Variants in TOGARAM1 observed in about 807,000 individuals in gnomAD.
TOGARAM1 encodes the protein TOG array regulator of axonemal microtubules protein 1.
In TOGARAM1, 100 loss-of-function variants were observed where a neutral mutation model predicts 166.6. That is an observed-to-expected ratio of 0.60 (90% CI 0.51 to 0.71). TOGARAM1 has a LOEUF of 0.71. TOGARAM1 is among the 30% of genes least tolerant of loss of function. The pLI, the probability that TOGARAM1 is intolerant of heterozygous loss-of-function variation, is 0.00. For missense variants in TOGARAM1, 2,029 were observed against 2,102.7 expected, an observed-to-expected ratio of 0.96 and a Z score of 0.69; for synonymous variants, 758 against 763.8, an observed-to-expected ratio of 0.99 and a Z score of 0.13.
chr14:45,005,333 A>C (rs1405332460), intron 4 of TOGARAM1, among the ~76,000 whole-genome samples: 1 of 152,196 alleles, frequency 6.6e-6, no homozygotes, highest in East Asian at 1.9e-4. Flanking sequence ...CTTAAAATAA[A>C]AAGTCGACTG....
chr14:45,021,921 C>T (rs888129356), intron 7 of TOGARAM1, among the ~76,000 whole-genome samples: 4 of 152,010 alleles, frequency 2.6e-5, no homozygotes, highest in African/African-American at 9.7e-5. Context: ...TAGGAAGGGC[C>T]GTCCATACAG....
intron 15 of TOGARAM1, 117 bp downstream of exon 15, chr14:45,052,679 A>G (rs1882433635): frequency 1.1e-6 from 1 of 913,236 alleles, no homozygotes; most frequent in Non-Finnish European, 1.6e-6. Flanking sequence ...CATTTGGACT[A>G]TTGGACTATA....
intron 2 of TOGARAM1, chr14:44,996,922 A>G (rs1227788636): frequency 6.6e-6 from 1 of 152,046 alleles, no homozygotes; most frequent in African/African-American, 2.4e-5. Context: ...TGATCCAGTC[A>G]CCTCCCACCA....
chr14:45,015,043 CCTCTAATCCCAGCA>C (rs1880035230), intron 7 of TOGARAM1, among the ~76,000 whole-genome samples: 1 of 152,136 alleles, frequency 6.6e-6, no homozygotes, highest in Non-Finnish European at 1.5e-5. Flanking sequence ...GTGGCTCACA[CCTCTAATCCCAGCA>C]CTTTGGGAGG....
intron 1 of TOGARAM1, among the ~76,000 whole-genome samples, chr14:44,990,810 C>T (rs1246850690): frequency 6.6e-6 from 1 of 152,000 alleles, no homozygotes; most frequent in Non-Finnish European, 1.5e-5. Flanking sequence ...AAAAAAAACA[C>T]TTTGGGTTTT....
At chr14:45,038,419 G>A (rs1881549584) in intron 11 of TOGARAM1, among the ~76,000 whole-genome samples, 1 of 152,212 alleles carries the variant, frequency 6.6e-6, no homozygotes, top group African/African-American at 2.4e-5. Flanking sequence ...AGCGGCGAGG[G>A]GTGCATGAGC....
At chr14:45,019,966 GC>G (rs1290106760) in intron 7 of TOGARAM1, among the ~76,000 whole-genome samples, 1 of 152,190 alleles carries the variant, frequency 6.6e-6, no homozygotes, top group Non-Finnish European at 1.5e-5. Flanking sequence ...CAGAGCATGG[GC>G]TAGCAGGCTG....
intron 11 of TOGARAM1, among the ~76,000 whole-genome samples, chr14:45,037,561 A>G (rs1273822682): frequency 3.3e-5 from 5 of 152,232 alleles, no homozygotes; most frequent in Admixed American, 2.6e-4. Flanking sequence ...ATAGTTATAA[A>G]GGAATTAATT....
Position 45,044,855 on chromosome 14 carries a change from T to C in TOGARAM1, c.4139T>C (p.Ile1380Thr), listed in dbSNP as rs1236457429. ...CCTGCACGTGCAGTTGTTTCTCTTATCAATGGTGGACAAAGGTAATGTTCA... is the reference window on the plus strand; with the variant it reads ...CCTGCACGTGCAGTTGTTTCTCTTACCAATGGTGGACAAAGGTAATGTTCA... ...VTPARAVVSL[I>T]NGGQSHLHIA... The change falls in exon 13 of 20, where the codon ATC (isoleucine) becomes ACC (threonine). Residue 1380 changes from isoleucine (I) to threonine (T), a missense_variant. This residue lies in a region of TOGARAM1 where 576 missense variants were observed against 670.5 expected (regional missense o/e 0.86). Transcript: ENST00000361462. The C allele has an allele frequency of 1.2e-6, 2 of 1,611,218 alleles. No homozygotes were observed. The highest frequency in any genetic ancestry group is 1.7e-6 in the Non-Finnish European group (2 of 1,178,578).
intron 1 of TOGARAM1, among the ~76,000 whole-genome samples, chr14:44,973,684 G>A (rs1038656028): frequency 3.3e-5 from 5 of 150,938 alleles, no homozygotes; most frequent in Admixed American, 6.6e-5. Flanking sequence ...TTCTTACAAG[G>A]CAGGTCTTAC....
At chr14:45,024,170 G>A (rs1880689878) in intron 7 of TOGARAM1, among the ~76,000 whole-genome samples, 6 of 152,180 alleles carry the variant, frequency 3.9e-5, no homozygotes, top group Middle Eastern at 6.8e-3. Context: ...TAGTTTGTAT[G>A]TGAAGGACCT....
intron 1 of TOGARAM1, among the ~76,000 whole-genome samples, chr14:44,975,295 G>T (rs1886117406): frequency 6.6e-6 from 1 of 152,100 alleles, no homozygotes; most frequent in Non-Finnish European, 1.5e-5. Flanking sequence ...ATACTGAGTT[G>T]AAGCAAGTTT....
At position 44,965,264 on chromosome 14, in the gene TOGARAM1, C is replaced by T. The variant is rs562893182; in HGVS notation, c.2046+797C>T. Among the ~76,000 whole-genome samples, 189 of 152,254 alleles carry T rather than the reference C, an allele frequency of 1.2e-3. 1 individual carries two copies. Among genetic ancestry groups the T allele is most frequent in the African/African-American group, 4.3e-3 (179 of 41,544 alleles). On this transcript the variant is annotated intron_variant, in intron 1 of 19. Transcript: ENST00000361462. ...AAATCATTATTGCACCTAAGACTAT[C>T]AGTAGTAATTCAATAATATGTAACA...
intron 1 of TOGARAM1, among the ~76,000 whole-genome samples, chr14:44,979,892 G>T (rs1886434770): frequency 6.6e-6 from 1 of 152,142 alleles, no homozygotes; most frequent in South Asian, 2.1e-4. Flanking sequence ...ATGGCTTGAA[G>T]AGATGGCATA....
chr14:45,006,781 G>A (rs1442842563), intron 5 of TOGARAM1: 1 of 151,578 alleles, frequency 6.6e-6, no homozygotes, highest in Non-Finnish European at 1.5e-5. Context: ...ATTGATTTTG[G>A]CTTATGATCA....
chr14:44,994,321 G>A (rs1295593432), intron 1 of TOGARAM1, among the ~76,000 whole-genome samples: 1 of 152,060 alleles, frequency 6.6e-6, no homozygotes, highest in African/African-American at 2.4e-5. Flanking sequence ...GTTTCACCAT[G>A]TTAGCCAGGC....
intron 11 of TOGARAM1, among the ~76,000 whole-genome samples, chr14:45,040,904 C>T (rs143745325): frequency 3.9e-5 from 6 of 151,964 alleles, no homozygotes; most frequent in African/African-American, 7.2e-5. Context: ...CCAGGTGTGG[C>T]GGCCCATGCC....
intron 13 of TOGARAM1, among the ~76,000 whole-genome samples, chr14:45,045,701 A>ATG (rs1220126346): frequency 2.7e-5 from 3 of 112,058 alleles, no homozygotes; most frequent in South Asian, 4.9e-4. Context: ...ACACATATAT[A>ATG]TGTGTATATA....
intron 1 of TOGARAM1, among the ~76,000 whole-genome samples, chr14:44,977,430 G>T (rs957549034): frequency 6.6e-6 from 1 of 151,238 alleles, no homozygotes; most frequent in Non-Finnish European, 1.5e-5. Context: ...TAAAGACGGG[G>T]TTTCACCGTG....
Sources: gnomAD v4.1 joint callset for allele counts (sites outside exome capture counted in the v4.1 genomes callset) on GRCh38, gnomAD v4.1.1 for gene constraint, gnomAD v4.1.1 regional missense constraint, MANE v1.5 for transcripts, NCBI Gene and HGNC (gene_info 2026-07-23, HGNC 2026-07-21) for gene names.